Variants in SH3RF3 observed in about 807,000 individuals in gnomAD.
SH3RF3 encodes the protein E3 ubiquitin-protein ligase SH3RF3.
Under a neutral mutation model 66.3 loss-of-function variants are expected in SH3RF3, and 29 were observed. That is an observed-to-expected ratio of 0.44 (90% CI 0.33 to 0.60). The LOEUF is 0.60. Among genes scored for constraint, SH3RF3 ranks in the 20% least tolerant of loss-of-function variants. The pLI is 0.04. For synonymous variants in SH3RF3, 583 were observed against 532.0 expected (o/e 1.10, Z -1.32); for missense variants, 1,194 against 1,190.9 (o/e 1.00, Z -0.04).
At chr2:109,239,728 T>C (rs1366015078) in intron 1 of SH3RF3, among the ~76,000 whole-genome samples, 1 of 152,170 alleles carries the variant, frequency 6.6e-6, no homozygotes, top group Non-Finnish European at 1.5e-5. Context: ...GTGCTCCAGC[T>C]TAAATGGAGC....
At chr2:109,180,311 G>A (rs1678046377) in intron 1 of SH3RF3, among the ~76,000 whole-genome samples, 1 of 152,094 alleles carries the variant, frequency 6.6e-6, no homozygotes, top group Non-Finnish European at 1.5e-5. Context: ...TTTGGCAGAT[G>A]GTATTGATGA....
intron 8 of SH3RF3, among the ~76,000 whole-genome samples, chr2:109,457,628 G>A (rs1401808206): frequency 2.6e-5 from 4 of 152,236 alleles, no homozygotes; most frequent in South Asian, 2.1e-4. Context: ...CTGCATGGCC[G>A]GGAGCCCCGG....
chr2:109,172,099 C>G (rs923738484), intron 1 of SH3RF3, among the ~76,000 whole-genome samples: 1 of 152,240 alleles, frequency 6.6e-6, no homozygotes, highest in Non-Finnish European at 1.5e-5. Flanking sequence ...CGTCATTTCC[C>G]AGTTCCAGGC....
At chr2:109,400,061 G>A (rs916773282) in intron 4 of SH3RF3, among the ~76,000 whole-genome samples, 1 of 152,240 alleles carries the variant, frequency 6.6e-6, no homozygotes, top group Non-Finnish European at 1.5e-5. Context: ...ACACCAATAA[G>A]CAACTGGCTG....
At position 109,389,552 on chromosome 2, in the gene SH3RF3, G is replaced by A. The variant is rs116661516; in HGVS notation, c.946-9038G>A. 6.4e-3 allele frequency among the ~76,000 whole-genome samples: 974 copies of A among 152,280 alleles called. 12 individuals are homozygous for A. Among genetic ancestry groups the A allele is most frequent in the African/African-American group, 0.022 (910 of 41,536 alleles). ...CCGGTCAGGACCCAATCAATGGATC[G>A]TTTGAAAACCACTGCTCTAAGCCAG... On this transcript the variant is annotated intron_variant, in intron 3 of 9. Coordinates refer to ENST00000309415, the MANE Select transcript of SH3RF3 (RefSeq NM_001099289.3).
intron 8 of SH3RF3, among the ~76,000 whole-genome samples, chr2:109,471,615 A>G (rs1678512847): frequency 6.6e-6 from 1 of 152,196 alleles, no homozygotes. Context: ...AGGCCCAGAC[A>G]CTGTTGTATT....
intron 1 of SH3RF3, among the ~76,000 whole-genome samples, chr2:109,132,922 A>G (rs1345911869): frequency 1.3e-5 from 2 of 152,260 alleles, no homozygotes; most frequent in African/African-American, 2.4e-5. Flanking sequence ...GTGATTTAAT[A>G]AGGACTTGAA....
At chr2:109,471,144 C>T (rs1247102930) in intron 8 of SH3RF3, among the ~76,000 whole-genome samples, 2 of 134,068 alleles carry the variant, frequency 1.5e-5, no homozygotes, top group African/African-American at 5.8e-5. Flanking sequence ...ACCCAGGGGG[C>T]AGAGTTTGCA....
Position 109,419,490 on chromosome 2 carries a change from G to C in SH3RF3, c.1300-49G>C, listed in dbSNP as rs779049989. On this transcript the variant is annotated intron_variant, in intron 4 of 9. Coordinates refer to ENST00000309415, the MANE Select transcript of SH3RF3 (RefSeq NM_001099289.3). The stretch of plus-strand genomic sequence containing the variant: ...CTCATTTTGCTTTTCTCTTTCCCTT[G>C]GATGGAGTCTCTGTCTCCTCACTCC... 2.6e-6 allele frequency: 4 copies of C among 1,533,698 alleles called. No homozygotes were observed. The East Asian group carries it at 7.3e-5, about 28-fold the overall frequency.
intron 5 of SH3RF3, among the ~76,000 whole-genome samples, chr2:109,428,461 C>T (rs907825523): frequency 1.3e-4 from 20 of 152,236 alleles, no homozygotes; most frequent in Admixed American, 4.6e-4. Context: ...TCAGCCGAGT[C>T]GGCCCAGCCG....
rs112892459 is a variant in SH3RF3, at chr2:109,167,026, A to G, written c.573+36913A>G. Among the ~76,000 whole-genome samples, 425 of 152,254 alleles carry G rather than the reference A, an allele frequency of 2.8e-3. 2 individuals are homozygous for G. Among genetic ancestry groups the G allele is most frequent in the African/African-American group, 9.4e-3 (392 of 41,534 alleles). The stretch of plus-strand genomic sequence containing the variant: ...GAGCAATGCTAAAAGAACAATACAC[A>G]CCACTCATCGGTGTCCCGTGGGAAT... On this transcript the variant is annotated intron_variant, in intron 1 of 9. Transcript: ENST00000309415.
intron 1 of SH3RF3, among the ~76,000 whole-genome samples, chr2:109,158,557 T>A (rs1677408250): frequency 6.6e-6 from 1 of 152,172 alleles, no homozygotes; most frequent in African/African-American, 2.4e-5. Flanking sequence ...CTCAGGGCTG[T>A]CTGACTTGCA....
At chr2:109,240,473 CAAAA>C (rs1422877610) in intron 1 of SH3RF3, among the ~76,000 whole-genome samples, 1 of 151,952 alleles carries the variant, frequency 6.6e-6, no homozygotes, top group Non-Finnish European at 1.5e-5. Context: ...GGGCGACAAA[CAAAA>C]AAACAAACAA....
intron 1 of SH3RF3, among the ~76,000 whole-genome samples, chr2:109,306,673 A>G (rs1362934092): frequency 6.6e-6 from 1 of 152,260 alleles, no homozygotes; most frequent in Non-Finnish European, 1.5e-5. Context: ...CCAAATGCCC[A>G]GTAACCTAGC....
intron 1 of SH3RF3, among the ~76,000 whole-genome samples, chr2:109,193,983 G>A (rs1429605866): frequency 6.6e-6 from 1 of 152,240 alleles, no homozygotes; most frequent in East Asian, 1.9e-4. Flanking sequence ...GGGCACCAGA[G>A]TGAGTGACTG....
chr2:109,301,354 T>G (rs12612106), intron 1 of SH3RF3, among the ~76,000 whole-genome samples: 1,396 of 70,018 alleles, frequency 0.02, 17 homozygotes, highest in South Asian at 0.077. Context: ...GTGTGTGTGT[T>G]TGTGTATGTT....
intron 8 of SH3RF3, among the ~76,000 whole-genome samples, chr2:109,484,648 T>C (rs1218857781): frequency 1.3e-5 from 2 of 152,198 alleles, no homozygotes; most frequent in East Asian, 3.8e-4. Context: ...ATTGCAACTT[T>C]CTCCTTTTTA....
At chr2:109,334,242 C>T (rs1682352416) in intron 1 of SH3RF3, among the ~76,000 whole-genome samples, 1 of 151,266 alleles carries the variant, frequency 6.6e-6, no homozygotes, top group African/African-American at 2.4e-5. Context: ...CCTGTAGTCT[C>T]AGCTACTCGA....
rs1447563156 is a variant in SH3RF3 at position 109,419,634 on chromosome 2, C to T, written c.1395C>T (p.Pro465=). Residue 465 remains proline, a synonymous_variant, in exon 5 of 10, where the codon CCC becomes CCT. Coordinates refer to ENST00000309415, the MANE Select transcript of SH3RF3 (RefSeq NM_001099289.3). ...EQGTPPKVQL[P]LNVYLALYAY... ...GCACGCCTCCCAAGGTCCAGCTGCCCCTCAACGTGTGAGCTGCCCTTTGTG... is the reference window on the plus strand; with the variant it reads ...GCACGCCTCCCAAGGTCCAGCTGCCTCTCAACGTGTGAGCTGCCCTTTGTG... 2.5e-6 allele frequency: 4 copies of T among 1,578,216 alleles called. No homozygotes were observed. Among genetic ancestry groups the T allele is most frequent in the Middle Eastern group, 1.7e-4 (1 of 6,030 alleles).
Sources: gnomAD v4.1 joint callset for allele counts (sites outside exome capture counted in the v4.1 genomes callset) on GRCh38, gnomAD v4.1.1 for gene constraint, MANE v1.5 for transcripts, NCBI Gene and HGNC (gene_info 2026-07-23, HGNC 2026-07-21) for gene names.